PCDHA5: variants seen among roughly 807,000 people sequenced by gnomAD.
PCDHA5 encodes the protein protocadherin alpha-5.
A neutral mutation model predicts 61.6 loss-of-function variants in PCDHA5; 43 were observed. The ratio of observed to expected loss-of-function variants is 0.70; its 90% CI spans 0.55 to 0.90. PCDHA5 has a LOEUF of 0.90. Among genes scored for constraint, PCDHA5 ranks in the 40% least tolerant of loss-of-function variants. PCDHA5 has a pLI of 0.00. For synonymous variants in PCDHA5, 627 were observed against 543.9 expected, an observed-to-expected ratio of 1.15 and a Z score of -2.13; for missense variants, 1,298 against 1,222.7, an observed-to-expected ratio of 1.06 and a Z score of -0.92.
chr5:141,005,489 G>A (rs1336877426), intron 3 of PCDHA5, among the ~76,000 whole-genome samples: 3 of 151,788 alleles, frequency 2.0e-5, no homozygotes, highest in Non-Finnish European at 4.4e-5. Context: ...GGATCATGAG[G>A]TCAGGAGATC....
At chr5:140,845,056 T>C (rs2150376144) in intron 1 of PCDHA5, among the ~76,000 whole-genome samples, 2 of 149,620 alleles carry the variant, frequency 1.3e-5, no homozygotes, top group South Asian at 2.1e-4. Context: ...CAACTGAAGG[T>C]AACCTCAAAG....
At chr5:140,954,947 T>G (rs2153704420) in intron 1 of PCDHA5, among the ~76,000 whole-genome samples, 1 of 152,360 alleles carries the variant, frequency 6.6e-6, no homozygotes, top group South Asian at 2.1e-4. Flanking sequence ...AGTTAATTTT[T>G]GTATAAGATG....
intron 1 of PCDHA5, chr5:140,851,096 T>A (rs2041958887): frequency 7.7e-7 from 1 of 1,292,466 alleles, no homozygotes; most frequent in Non-Finnish European, 1.0e-6. Context: ...AAATAGATAT[T>A]TTTTGGGTGC....
intron 1 of PCDHA5, chr5:140,875,436 A>G (rs782083459): frequency 6.4e-7 from 1 of 1,564,660 alleles, no homozygotes; most frequent in Non-Finnish European, 8.6e-7. Flanking sequence ...ATCCCTTAAA[A>G]CTGATTGTCC....
At chr5:140,980,728 A>T (rs1268236317) in intron 2 of PCDHA5, among the ~76,000 whole-genome samples, 1 of 152,168 alleles carries the variant, frequency 6.6e-6, no homozygotes, top group African/African-American at 2.4e-5. Context: ...TTCAATTAAG[A>T]TATTATGAGA....
chr5:140,967,104 A>T (rs374744732), intron 1 of PCDHA5: 3 of 1,613,028 alleles, frequency 1.9e-6, no homozygotes, highest in Non-Finnish European at 2.5e-6. Context: ...CTGTGTGAGC[A>T]GCGGCCTCGC....
At chr5:140,923,659 G>A in intron 1 of PCDHA5, among the ~76,000 whole-genome samples, 1 of 152,224 alleles carries the variant, frequency 6.6e-6, no homozygotes, top group East Asian at 1.9e-4. Context: ...CTTATCTTTG[G>A]GATATCGTTC....
chr5:140,848,596 C>T (rs2150413733), intron 1 of PCDHA5: 2 of 1,594,204 alleles, frequency 1.3e-6, no homozygotes, highest in East Asian at 2.2e-5. Flanking sequence ...CTCCACTACT[C>T]CGTCCCGGAG....
chr5:140,856,168 C>A, intron 1 of PCDHA5: 1 of 1,598,314 alleles, frequency 6.3e-7, no homozygotes, highest in Non-Finnish European at 8.6e-7. Context: ...AGGCCAGACA[C>A]GGCACCTTCG....
intron 1 of PCDHA5, chr5:140,829,639 G>A (rs1431556203): frequency 6.2e-7 from 1 of 1,612,256 alleles, no homozygotes; most frequent in African/African-American, 1.3e-5. Flanking sequence ...AGAGCGGCAA[G>A]GTGTACGCGC....
chr5:140,840,817 C>T (rs1422232698), intron 1 of PCDHA5, among the ~76,000 whole-genome samples: 1 of 152,040 alleles, frequency 6.6e-6, no homozygotes, highest in Non-Finnish European at 1.5e-5. Context: ...ACCAGTGTTT[C>T]TGGTGACCAA....
chr5:140,870,325 C>T (rs1554164071), intron 1 of PCDHA5: 1 of 1,614,080 alleles, frequency 6.2e-7, no homozygotes, highest in African/African-American at 1.3e-5. Context: ...CTCGTTGGTG[C>T]TGGACAGCGC....
chr5:140,854,169 A>AAAAAG, intron 1 of PCDHA5: 1 of 675,122 alleles, frequency 1.5e-6, no homozygotes, highest in South Asian at 6.4e-5. Flanking sequence ...CAAAAAAAAA[A>AAAAAG]AAAAAAAGAG....
chr5:140,928,973 T>G (rs782178426), intron 1 of PCDHA5: 3 of 1,613,958 alleles, frequency 1.9e-6, no homozygotes, highest in Non-Finnish European at 2.5e-6. Flanking sequence ...ATTTCCTTTT[T>G]ATTTCTGGGG....
chr5:140,934,172 G>A (rs781789188), intron 1 of PCDHA5, among the ~76,000 whole-genome samples: 47 of 152,018 alleles, frequency 3.1e-4, no homozygotes, highest in Non-Finnish European at 6.6e-4. Flanking sequence ...TGCAACAGAA[G>A]TACTCTAAAC....
intron 2 of PCDHA5, among the ~76,000 whole-genome samples, chr5:140,979,979 T>C (rs1007546118): frequency 6.6e-6 from 1 of 152,194 alleles, no homozygotes; most frequent in African/African-American, 2.4e-5. Flanking sequence ...ATGCATTAGA[T>C]TGAAATAAAT....
At chr5:140,991,754 G>A (rs1554252407) in intron 3 of PCDHA5, among the ~76,000 whole-genome samples, 2 of 152,034 alleles carry the variant, frequency 1.3e-5, no homozygotes, top group African/African-American at 4.8e-5. Context: ...TTTCTATCAT[G>A]CTCTTCAAAA....
At chr5:141,004,378 G>A (rs914260481) in intron 3 of PCDHA5, among the ~76,000 whole-genome samples, 3 of 152,198 alleles carry the variant, frequency 2.0e-5, no homozygotes, top group Admixed American at 6.5e-5. Context: ...TCTGCTCTGC[G>A]GAAGCTGGAC....
Position 140,824,248 on chromosome 5 carries a change from A to C in PCDHA5, c.2352+121A>C, listed in dbSNP as rs2150133568. On this transcript the variant is annotated intron_variant, in intron 1 of 3. Transcript: ENST00000529859. Reference sequence around the variant, plus strand: ...TTAGTACACAAATATTGTGGTACACAATTATTGCACTAATTCATGTATTAT... The same window carrying C: ...TTAGTACACAAATATTGTGGTACACCATTATTGCACTAATTCATGTATTAT... 7 of 1,434,750 alleles carry C rather than the reference A, an allele frequency of 4.9e-6. No homozygotes were observed. The Admixed American group carries it at 1.2e-4, about 25-fold the overall frequency. 88.9% of individuals were successfully genotyped at this position (1,434,750 alleles called of 1,614,324 possible). A position where few individuals can be genotyped will look rare whatever the true frequency, so the allele number is the denominator to read the frequency against.
Sources: allele counts gnomAD v4.1 joint callset (sites outside exome capture counted in the v4.1 genomes callset), GRCh38; gene constraint gnomAD v4.1.1; transcripts MANE v1.5; gene names NCBI Gene and HGNC (gene_info 2026-07-23, HGNC 2026-07-21).